Variants in PCDHGB4 observed in about 807,000 individuals in gnomAD.
PCDHGB4 encodes protocadherin gamma-B4.
Under a neutral mutation model 60.5 loss-of-function variants are expected in PCDHGB4, and 38 were observed. The observed-to-expected ratio is 0.63, with a 90% CI of 0.48 to 0.82. The LOEUF (loss-of-function observed/expected upper bound fraction) is 0.82. PCDHGB4 is among the 40% of genes least tolerant of loss of function. The pLI is 0.00. For synonymous variants in PCDHGB4, 456 were observed against 509.7 expected, an observed-to-expected ratio of 0.89 and a Z score of 1.42; for missense variants, 1,109 against 1,209.6, an observed-to-expected ratio of 0.92 and a Z score of 1.23.
At chr5:141,398,071 G>C in intron 1 of PCDHGB4, 1 of 1,587,000 alleles carries the variant, frequency 6.3e-7, no homozygotes, top group South Asian at 1.1e-5. Context: ...ACAATACAGA[G>C]GTTATTTGTA....
chr5:141,489,267 C>A lies in PCDHGB4; in HGVS notation c.2398-5540C>A. On this transcript the variant is annotated intron_variant, in intron 1 of 3. Transcript: ENST00000519479. This position sits in a 1 kb window ranked among gnomAD's most constrained non-coding sequence, Gnocchi z 4.5. ...TGGGGCCCAAGACACTCCCACAGCT[C>A]GCTGGGAAATGGCAAGTGCTGTGCA... is the stretch of plus-strand genomic sequence containing the variant. 1 of 1,553,300 alleles carries A rather than the reference C, an allele frequency of 6.4e-7. No homozygotes were observed. The highest frequency in any genetic ancestry group is 8.7e-7 in the Non-Finnish European group (1 of 1,149,864).
At chr5:141,420,052 C>T (rs535784301) in intron 1 of PCDHGB4, 1 of 1,614,070 alleles carries the variant, frequency 6.2e-7, no homozygotes, top group South Asian at 1.1e-5. Flanking sequence ...AGTCAGTTCT[C>T]TGCTCCAAGT....
Position 141,491,763 on chromosome 5 carries a change from T to A in PCDHGB4, c.2398-3044T>A. 1 of 1,570,222 alleles carries A rather than the reference T, an allele frequency of 6.4e-7. No individual in the cohort carries two copies. The highest frequency in any genetic ancestry group is 8.6e-7 in the Non-Finnish European group (1 of 1,159,286). On this transcript the variant is annotated intron_variant, in intron 1 of 3. Transcript: ENST00000519479. This position sits in a 1 kb window ranked among gnomAD's most constrained non-coding sequence, Gnocchi z 6.9. ...GCGGCACTGGAGAAGCCGCCCGTCC[T>A]CATAAGGGATTGAACTTGCATCCAC... is the stretch of plus-strand genomic sequence containing the variant.
intron 1 of PCDHGB4, among the ~76,000 whole-genome samples, chr5:141,433,752 G>A (rs975941520): frequency 6.6e-6 from 1 of 151,206 alleles, no homozygotes; most frequent in Non-Finnish European, 1.5e-5. Context: ...CAGGAGAATT[G>A]CTTTAACCTG....
chr5:141,400,678 TTG>T, intron 1 of PCDHGB4: 1 of 882,002 alleles, frequency 1.1e-6, no homozygotes, highest in Non-Finnish European at 1.7e-6. Flanking sequence ...GAGCAGTAAA[TTG>T]TGAGTTTTTA....
At chr5:141,461,617 C>T (rs1297064745) in intron 1 of PCDHGB4, among the ~76,000 whole-genome samples, 1 of 152,090 alleles carries the variant, frequency 6.6e-6, no homozygotes, top group African/African-American at 2.4e-5. Flanking sequence ...AAAGTATTTT[C>T]TAATACACCT....
rs769671283 is a variant in PCDHGB4, at chr5:141,511,391, C to A, written c.*218C>A. 1 of 1,079,748 alleles carries A rather than the reference C, an allele frequency of 9.3e-7. No homozygotes were observed. The allele number at this position is 1,079,748 out of a possible 1,614,324, so 66.9% of individuals were successfully genotyped here. On this transcript the variant is annotated 3_prime_UTR_variant, in exon 4 of 4. Transcript: ENST00000519479. ...TGCAAAAGCAGTTCCGCTGGGAACC[C>A]CCATCCAATCAACTGCTGTACCCAT...
In PCDHGB4 at chr5:141,414,653, A is replaced by G. The variant is rs2095771118; in HGVS notation, c.2397+24372A>G. ...AGCAAAGAGAATGCCCAGATTATTT[A>G]CTCCCTGGCTGAAGACACCATCCAG... On this transcript the variant is annotated intron_variant, in intron 1 of 3. Coordinates refer to ENST00000519479, the MANE Select transcript of PCDHGB4 (RefSeq NM_003736.4). 6.2e-7 allele frequency: 1 copy of G among 1,613,644 alleles called. No homozygotes were observed.
chr5:141,487,452 T>A lies in PCDHGB4; in HGVS notation c.2398-7355T>A, dbSNP rs778695562. 40 of 1,614,046 alleles carry A rather than the reference T, an allele frequency of 2.5e-5. No homozygotes were observed. The highest frequency in any genetic ancestry group is 3.4e-5 in the Non-Finnish European group (40 of 1,180,004). On this transcript the variant is annotated intron_variant, in intron 1 of 3. Coordinates refer to ENST00000519479, the MANE Select transcript of PCDHGB4 (RefSeq NM_003736.4). This position sits in a 1 kb window ranked among gnomAD's most constrained non-coding sequence, Gnocchi z 5.0. ...ATCCAGCTAGGGTCAGATGACCCTA[T>A]CAAGTTTGTTGATGTGGGAGGCCAC... is the stretch of plus-strand genomic sequence containing the variant.
chr5:141,496,284 G>A (rs1052943936), intron 2 of PCDHGB4, among the ~76,000 whole-genome samples: 6 of 152,210 alleles, frequency 3.9e-5, no homozygotes, highest in Admixed American at 1.3e-4. Context: ...CAGTTGGTCT[G>A]AGCAGAGTGG....
At chr5:141,445,300 TCA>T (rs1443961962) in intron 1 of PCDHGB4, among the ~76,000 whole-genome samples, 1 of 152,202 alleles carries the variant, frequency 6.6e-6, no homozygotes, top group Non-Finnish European at 1.5e-5. Flanking sequence ...TCCATTCTCT[TCA>T]GTTTGTAGGT....
chr5:141,476,979 G>C lies in PCDHGB4; in HGVS notation c.2398-17828G>C. On this transcript the variant is annotated intron_variant, in intron 1 of 3. Coordinates refer to ENST00000519479, the MANE Select transcript of PCDHGB4 (RefSeq NM_003736.4). The surrounding 1 kb of genome is among the most constrained non-coding windows in gnomAD (Gnocchi z 7.6). Reference sequence around the variant, plus strand: ...ATTTACTCCTTCGGCAGCCACAACCGCGCCGGCGTGCGGCAACTATTCGCC... The same window carrying C: ...ATTTACTCCTTCGGCAGCCACAACCCCGCCGGCGTGCGGCAACTATTCGCC... 1 of 1,614,238 alleles carries C rather than the reference G, an allele frequency of 6.2e-7. No homozygotes were observed. The highest frequency in any genetic ancestry group is 1.3e-5 in the African/African-American group (1 of 75,074).
chr5:141,431,462 G>A lies in PCDHGB4; in HGVS notation c.2397+41181G>A. ...GCGCATCCGCGTGATGGTTCTGGAT[G>A]CGAACGACAACGCACCAGCGTTTGC... On this transcript the variant is annotated intron_variant, in intron 1 of 3. Transcript: ENST00000519479. This position sits in a 1 kb window ranked among gnomAD's most constrained non-coding sequence, Gnocchi z 4.8. 6.2e-7 allele frequency: 1 copy of A among 1,613,826 alleles called. No individual in the cohort carries two copies. The highest frequency in any genetic ancestry group is 2.2e-5 in the East Asian group (1 of 44,886).
chr5:141,412,027 C>T (rs1360599996), intron 1 of PCDHGB4: 1 of 152,086 alleles, frequency 6.6e-6, no homozygotes, highest in Non-Finnish European at 1.5e-5. Context: ...ATCCTGTTCT[C>T]TGTGTGAAAG....
Position 141,388,365 on chromosome 5 carries a change from G to A in PCDHGB4, c.481G>A (p.Asp161Asn), listed in dbSNP as rs2091332064. 1 of 1,614,002 alleles carries A rather than the reference G, an allele frequency of 6.2e-7. No homozygotes were observed. The highest frequency in any genetic ancestry group is 2.2e-5 in the East Asian group (1 of 44,882). The change falls in exon 1 of 4, where the codon GAT becomes AAT. Residue 161 changes from aspartate (D) to asparagine (N), a missense_variant. Around this residue, in one of 2 missense-constraint regions of PCDHGB4, gnomAD observed 1,068 missense variants for 1,089.9 expected, o/e 0.98. Transcript: ENST00000519479. ...TATATTAGGATCTGCCCATGATGCGGATATTGGTAGCAACACACTGCAGAA... is the reference window on the plus strand; with the variant it reads ...TATATTAGGATCTGCCCATGATGCGAATATTGGTAGCAACACACTGCAGAA... ...RFILGSAHDA[D>N]IGSNTLQNYQ...
chr5:141,443,699 A>G (rs1433844997), intron 1 of PCDHGB4, among the ~76,000 whole-genome samples: 1 of 152,248 alleles, frequency 6.6e-6, no homozygotes, highest in African/African-American at 2.4e-5. Flanking sequence ...AAAATTATAG[A>G]ATAACATTTG....
In PCDHGB4 at chr5:141,402,676, C is replaced by T. The variant is rs746643713; in HGVS notation, c.2397+12395C>T. 2.0e-5 allele frequency among the ~76,000 whole-genome samples: 3 copies of T among 152,282 alleles called. No homozygotes were observed. The East Asian group carries it at 5.8e-4, about 29-fold the overall frequency. ...GAGTAGTGTTTTCTTTATCAGCCAT[C>T]TGATATAATGTTACACATCAGTGGG... On this transcript the variant is annotated intron_variant, in intron 1 of 3. Transcript: ENST00000519479.
At chr5:141,424,748 A>G (rs1218712198) in intron 1 of PCDHGB4, 3 of 152,034 alleles carry the variant, frequency 2.0e-5, no homozygotes, top group African/African-American at 4.8e-5. Flanking sequence ...TTCTTTCTTT[A>G]TAAGGTCATT....
intron 1 of PCDHGB4, chr5:141,408,855 G>A: frequency 6.2e-7 from 1 of 1,613,572 alleles, no homozygotes; most frequent in Non-Finnish European, 8.5e-7. Flanking sequence ...TTGGACGGAG[G>A]GGACCCACCA....
Sources: gnomAD v4.1 joint callset for allele counts (sites outside exome capture counted in the v4.1 genomes callset) on GRCh38, gnomAD v4.1.1 for gene constraint, gnomAD v4.1.1 regional missense constraint, Gnocchi (gnomAD v3.1) non-coding constraint, MANE v1.5 for transcripts, NCBI Gene and HGNC (gene_info 2026-07-23, HGNC 2026-07-21) for gene names.